Variants in UNC13C observed in about 807,000 individuals in gnomAD.
UNC13C encodes protein unc-13 homolog C.
UNC13C carries 174 observed loss-of-function variants against 245.4 expected under a neutral mutation model. The ratio of observed to expected loss-of-function variants is 0.71; its 90% CI spans 0.63 to 0.80. UNC13C has a LOEUF of 0.80. Ranked by LOEUF, UNC13C falls within the 30% of genes least tolerant of loss-of-function variation. The pLI, the probability that UNC13C is intolerant of heterozygous loss-of-function variation, is 0.00. For missense variants in UNC13C, 2,829 were observed against 2,602.9 expected (o/e 1.09, Z -1.89); for synonymous variants, 992 against 895.1 (o/e 1.11, Z -1.93).
chr15:54,191,746 A>G (rs12592225), intron 4 of UNC13C, among the ~76,000 whole-genome samples: 3,904 of 152,166 alleles, frequency 0.026, 93 homozygotes, highest in East Asian at 0.099. Flanking sequence ...TCACCATTCT[A>G]ACTGGCATGA....
chr15:53,949,325 T>C, the UNC13C span, among the ~76,000 whole-genome samples: 1 of 152,166 alleles, frequency 6.6e-6, no homozygotes, highest in African/African-American at 2.4e-5. Flanking sequence ...GTGGGAGACT[T>C]GCAGCTGTTT....
At position 54,421,706 on chromosome 15, in the gene UNC13C, C is replaced by T. The variant is rs556752181; in HGVS notation, c.4933+6639C>T. On this transcript the variant is annotated intron_variant, in intron 19 of 32. Coordinates refer to ENST00000260323, the MANE Select transcript of UNC13C (RefSeq NM_001080534.3). ...ATTTCATGATTCTTTATAGACATCT[C>T]ATTGTTCTTGGCTCATCCTTATGCA... Among the ~76,000 whole-genome samples, 208 of 152,190 alleles carry T rather than the reference C, an allele frequency of 1.4e-3. 1 individual carries two copies. Among genetic ancestry groups the T allele is most frequent in the African/African-American group, 4.8e-3 (200 of 41,564 alleles).
intron 4 of UNC13C, among the ~76,000 whole-genome samples, chr15:54,178,506 T>G (rs2033689956): frequency 6.6e-6 from 1 of 152,170 alleles, no homozygotes; most frequent in Non-Finnish European, 1.5e-5. Flanking sequence ...AAGTGAACTG[T>G]GTTTAATAAG....
intron 2 of UNC13C, among the ~76,000 whole-genome samples, chr15:54,105,114 T>A (rs1900370862): frequency 6.6e-6 from 1 of 152,240 alleles, no homozygotes; most frequent in South Asian, 2.1e-4. Context: ...GATAGTTCAA[T>A]AGTTCTTATA....
At chr15:53,941,696 GA>G in the UNC13C span, among the ~76,000 whole-genome samples, 1 of 151,722 alleles carries the variant, frequency 6.6e-6, no homozygotes, top group Non-Finnish European at 1.5e-5. Context: ...GGTCTACAGG[GA>G]ACTTACACAA....
chr15:54,355,865 G>GTA (rs1323749914), intron 17 of UNC13C, among the ~76,000 whole-genome samples: 1 of 151,786 alleles, frequency 6.6e-6, no homozygotes, highest in Non-Finnish European at 1.5e-5. Context: ...TCATACCTAT[G>GTA]TATATATATG....
upstream of UNC13C, among the ~76,000 whole-genome samples, chr15:53,976,382 T>C (rs1893695354): frequency 2.0e-5 from 3 of 151,882 alleles, no homozygotes; most frequent in South Asian, 2.1e-4. Flanking sequence ...TCATTTCCTC[T>C]ACGAGAATAT....
At chr15:53,974,019 A>G (rs1355929878), upstream of UNC13C, among the ~76,000 whole-genome samples, 1 of 152,218 alleles carries the variant, frequency 6.6e-6, no homozygotes, top group African/African-American at 2.4e-5. Context: ...AGTCTTAACC[A>G]CTTACTAGTT....
Position 54,303,040 on chromosome 15 carries a change from GA to G in UNC13C, c.4268+2676del, listed in dbSNP as rs35539901. Among the ~76,000 whole-genome samples the G allele has an allele frequency of 8.6e-3, 1,286 of 150,362 alleles. 14 individuals carry two copies. Among genetic ancestry groups the G allele is most frequent in the African/African-American group, 0.029 (1,206 of 41,030 alleles). ...TAAAGATATATAGATTCTTAGATGT[GA>G]AAAAAAAATAAGAAACCTTAGAGAT... On this transcript the variant is annotated intron_variant, in intron 13 of 32. Transcript: ENST00000260323.
intron 2 of UNC13C, among the ~76,000 whole-genome samples, chr15:54,038,909 T>C (rs961743271): frequency 3.3e-5 from 5 of 152,226 alleles, no homozygotes; most frequent in African/African-American, 1.2e-4. Flanking sequence ...GGGCTTGATG[T>C]AGCCTCTCTG....
intron 17 of UNC13C, among the ~76,000 whole-genome samples, chr15:54,342,431 G>T: frequency 6.6e-6 from 1 of 151,778 alleles, no homozygotes; most frequent in East Asian, 1.9e-4. Context: ...TGTGTATGGT[G>T]GTATGTGTCT....
the UNC13C span, among the ~76,000 whole-genome samples, chr15:53,858,812 A>G: frequency 2.0e-5 from 3 of 152,326 alleles, no homozygotes; most frequent in Non-Finnish European, 4.4e-5. Flanking sequence ...ATAAATATGC[A>G]TATGGTTAAT....
chr15:54,066,438 A>T (rs1201711534), intron 2 of UNC13C, among the ~76,000 whole-genome samples: 1 of 152,036 alleles, frequency 6.6e-6, no homozygotes, highest in Non-Finnish European at 1.5e-5. Flanking sequence ...GTTTTCAAAC[A>T]TTTTGTTTTT....
chr15:53,890,345 G>C, the UNC13C span, among the ~76,000 whole-genome samples: 1 of 152,074 alleles, frequency 6.6e-6, no homozygotes, highest in African/African-American at 2.4e-5. Flanking sequence ...ATTTCACTGT[G>C]TTAGCCAGGA....
intron 4 of UNC13C, among the ~76,000 whole-genome samples, chr15:54,157,991 C>T (rs942839051): frequency 6.6e-6 from 1 of 152,166 alleles, no homozygotes; most frequent in South Asian, 2.1e-4. Flanking sequence ...TAGTAATTGC[C>T]TACTCCAGCC....
chr15:53,981,127 T>C (rs1235396303), intron 1 of UNC13C, among the ~76,000 whole-genome samples: 1 of 152,198 alleles, frequency 6.6e-6, no homozygotes, highest in Non-Finnish European at 1.5e-5. Flanking sequence ...ATAATATCTT[T>C]TCCCCGATTC....
At chr15:54,300,688 G>A in intron 13 of UNC13C, among the ~76,000 whole-genome samples, 1 of 152,090 alleles carries the variant, frequency 6.6e-6, no homozygotes, top group Non-Finnish European at 1.5e-5. Context: ...AAACTCTGAG[G>A]GTGGAATCCA....
intron 2 of UNC13C, among the ~76,000 whole-genome samples, chr15:54,087,902 G>T (rs537944672): frequency 6.6e-6 from 1 of 152,206 alleles, no homozygotes; most frequent in Non-Finnish European, 1.5e-5. Flanking sequence ...CTTGGATATT[G>T]GGAGAAAAGG....
chr15:54,149,867 A>C (rs148486084), intron 4 of UNC13C, among the ~76,000 whole-genome samples: 531 of 152,296 alleles, frequency 3.5e-3, no homozygotes, highest in Middle Eastern at 6.8e-3. Flanking sequence ...TTAATGTAGC[A>C]TTTACATTGT....
Sources: allele counts gnomAD v4.1 joint callset (sites outside exome capture counted in the v4.1 genomes callset), GRCh38; gene constraint gnomAD v4.1.1; transcripts MANE v1.5; gene names NCBI Gene and HGNC (gene_info 2026-07-23, HGNC 2026-07-21).